PALM2AKAP2: variants seen among roughly 807,000 people sequenced by gnomAD.
PALM2AKAP2 encodes the protein PALM2-AKAP2 fusion protein.
Under a neutral mutation model 71.5 loss-of-function variants are expected in PALM2AKAP2, and 37 were observed. That is an observed-to-expected ratio of 0.52 (90% CI 0.40 to 0.68). PALM2AKAP2 has a LOEUF of 0.68. Ranked by LOEUF, PALM2AKAP2 falls within the 30% of genes least tolerant of loss-of-function variation. The pLI is 0.00. For synonymous variants in PALM2AKAP2, 468 were observed against 478.8 expected (o/e 0.98, Z 0.29); for missense variants, 1,224 against 1,191.8 (o/e 1.03, Z -0.40).
chr9:110,091,229 G>T, intron 1 of PALM2AKAP2, among the ~76,000 whole-genome samples: 1 of 152,060 alleles, frequency 6.6e-6, no homozygotes, highest in Non-Finnish European at 1.5e-5. Context: ...GGAGCTGCAC[G>T]TGTGAGGTTT....
At chr9:109,849,807 G>GGA (rs1178154705) in intron 1 of PALM2AKAP2, among the ~76,000 whole-genome samples, 5 of 151,710 alleles carry the variant, frequency 3.3e-5, no homozygotes, top group African/African-American at 7.3e-5. Flanking sequence ...GAGAGAGAGA[G>GGA]GAGAGAGAGA....
At chr9:109,780,105 G>C (rs866809585), upstream of PALM2AKAP2, among the ~76,000 whole-genome samples, 36 of 151,232 alleles carry the variant, frequency 2.4e-4, no homozygotes, top group Non-Finnish European at 4.4e-4. Flanking sequence ...CCGCGGCCTC[G>C]GGTCCATCAC....
chr9:110,057,040 A>G (rs1237321203), intron 1 of PALM2AKAP2, among the ~76,000 whole-genome samples: 1 of 152,128 alleles, frequency 6.6e-6, no homozygotes, highest in Non-Finnish European at 1.5e-5. Context: ...ATTCCCAGGG[A>G]CGCCTTGTCC....
At chr9:110,146,338 G>A (rs980921194) in intron 2 of PALM2AKAP2, among the ~76,000 whole-genome samples, 15 of 152,302 alleles carry the variant, frequency 9.8e-5, no homozygotes, top group African/African-American at 2.9e-4. Flanking sequence ...GTACAAGCAG[G>A]TTCTGCTGTT....
At chr9:109,937,777 C>G (rs1831262522) in intron 6 of PALM2AKAP2, among the ~76,000 whole-genome samples, 1 of 152,134 alleles carries the variant, frequency 6.6e-6, no homozygotes, top group East Asian at 1.9e-4. Context: ...GGAAAATTTC[C>G]AGAGCTTTCC....
chr9:110,117,310 A>G (rs750235491), intron 1 of PALM2AKAP2, among the ~76,000 whole-genome samples: 9 of 152,054 alleles, frequency 5.9e-5, no homozygotes, highest in Non-Finnish European at 1.0e-4. Context: ...TTTTTTGTAG[A>G]GATGGGGTCC....
At chr9:110,124,879 T>TA (rs759304919) in intron 1 of PALM2AKAP2, among the ~76,000 whole-genome samples, 5 of 151,350 alleles carry the variant, frequency 3.3e-5, no homozygotes, top group Non-Finnish European at 5.9e-5. Flanking sequence ...ATGATATGAG[T>TA]AAAAAAAAAG....
At chr9:110,135,352 TAA>T (rs72447322) in intron 1 of PALM2AKAP2, among the ~76,000 whole-genome samples, 17,149 of 76,092 alleles carry the variant, frequency 0.23, 1,596 homozygotes, top group South Asian at 0.28. Context: ...CCTCCTTCCT[TAA>T]AAAAAAAAAA....
chr9:109,985,660 T>TC (rs1832362603), intron 6 of PALM2AKAP2, among the ~76,000 whole-genome samples: 1 of 150,798 alleles, frequency 6.6e-6, no homozygotes, highest in Admixed American at 6.6e-5. Context: ...TTCTTTCTTT[T>TC]TTTTTTTTTT....
intron 1 of PALM2AKAP2, among the ~76,000 whole-genome samples, chr9:110,092,742 C>T (rs1263922133): frequency 6.6e-6 from 1 of 152,210 alleles, no homozygotes; most frequent in Non-Finnish European, 1.5e-5. Context: ...TTATCCGCCT[C>T]TCTTTCCCCA....
chr9:109,953,391 T>C (rs1356608584), intron 6 of PALM2AKAP2, among the ~76,000 whole-genome samples: 3 of 152,198 alleles, frequency 2.0e-5, no homozygotes, highest in Admixed American at 2.0e-4. Flanking sequence ...TGTCCTTTTA[T>C]ACATGAGGAA....
At chr9:110,080,428 T>C (rs1834423921) in intron 1 of PALM2AKAP2, among the ~76,000 whole-genome samples, 1 of 152,192 alleles carries the variant, frequency 6.6e-6, no homozygotes, top group African/African-American at 2.4e-5. Context: ...AAATATTTAA[T>C]AGGAGTTGCC....
At chr9:109,780,257 G>C (rs1829416608), upstream of PALM2AKAP2, 1 of 1,154,224 alleles carries the variant, frequency 8.7e-7, no homozygotes, top group Non-Finnish European at 1.1e-6. Context: ...GCAGTGAGCG[G>C]CGGCGCTGGG....
intron 3 of PALM2AKAP2, among the ~76,000 whole-genome samples, chr9:110,161,837 G>T (rs1468411359): frequency 2.0e-5 from 3 of 151,992 alleles, no homozygotes; most frequent in African/African-American, 7.2e-5. Context: ...GAAACTGAAA[G>T]CAACGTTTTG....
At chr9:109,701,625 T>A (rs1828060556) in intron 1 of PALM2AKAP2, among the ~76,000 whole-genome samples, 2 of 152,174 alleles carry the variant, frequency 1.3e-5, no homozygotes, top group African/African-American at 4.8e-5. Flanking sequence ...ATGGTAGACC[T>A]AAAACCATAA....
intron 3 of PALM2AKAP2, among the ~76,000 whole-genome samples, chr9:109,905,305 C>T (rs984175030): frequency 4.6e-5 from 7 of 152,282 alleles, no homozygotes; most frequent in South Asian, 4.2e-4. Flanking sequence ...ACTCAGCCAT[C>T]GAGGCCATTG....
At chr9:109,927,827 T>C (rs1013962267) in intron 5 of PALM2AKAP2, among the ~76,000 whole-genome samples, 8 of 152,242 alleles carry the variant, frequency 5.3e-5, no homozygotes, top group Admixed American at 4.6e-4. Context: ...TTAGGCATAA[T>C]GTCTTGTACA....
intron 2 of PALM2AKAP2, 105 bp from the exon 9 acceptor site, chr9:110,156,214 A>G: frequency 7.1e-7 from 1 of 1,416,284 alleles, no homozygotes; most frequent in Non-Finnish European, 9.4e-7. Flanking sequence ...TTCTGGTACC[A>G]CTCTCTGTGT....
chr9:109,673,021 CTATT>C lies in PALM2AKAP2; in HGVS notation c.5+32156_5+32159del, dbSNP rs1165561353. Reference sequence around the variant, plus strand: ...TTTATTAGTCTAGCTAGCAGTCTATCTATTAAGTTTTTCAAAAAACCAACTCCTG... The same window carrying C: ...TTTATTAGTCTAGCTAGCAGTCTATCAAGTTTTTCAAAAAACCAACTCCTG... On this transcript the variant is annotated intron_variant, in intron 1 of 6. Transcript: ENST00000374531. Among the ~76,000 whole-genome samples the C allele has an allele frequency of 2.0e-5, 3 of 151,880 alleles. No individual in the cohort carries two copies. In the East Asian group the frequency reaches 5.8e-4, roughly 29 times the overall value.
Sources: gnomAD v4.1 joint callset for allele counts (sites outside exome capture counted in the v4.1 genomes callset) on GRCh38, gnomAD v4.1.1 for gene constraint, MANE v1.5 for transcripts, NCBI Gene and HGNC (gene_info 2026-07-23, HGNC 2026-07-21) for gene names.